Variants in PLCB4 observed in about 807,000 individuals in gnomAD.
PLCB4 encodes the protein phospholipase C beta 4, also known as 1-phosphatidylinositol 4,5-bisphosphate phosphodiesterase beta-4.
A neutral mutation model predicts 178.8 loss-of-function variants in PLCB4; 77 were observed. The ratio of observed to expected loss-of-function variants is 0.43; its 90% CI spans 0.36 to 0.52. The LOEUF is 0.52. PLCB4 is among the 20% of genes least tolerant of loss of function. PLCB4 has a pLI of 0.00. For synonymous variants in PLCB4, 496 were observed against 490.8 expected, an observed-to-expected ratio of 1.01 and a Z score of -0.14; for missense variants, 1,024 against 1,453.4, an observed-to-expected ratio of 0.70 and a Z score of 4.80.
At chr20:9,239,589 A>C (rs1327400739) in intron 3 of PLCB4, among the ~76,000 whole-genome samples, 1 of 152,154 alleles carries the variant, frequency 6.6e-6, no homozygotes, top group Non-Finnish European at 1.5e-5. Context: ...TGAAGGATGG[A>C]AGGGTACGCT....
chr20:9,079,128 T>C (rs370962929), intron 1 of PLCB4, among the ~76,000 whole-genome samples: 1 of 152,376 alleles, frequency 6.6e-6, no homozygotes, highest in South Asian at 2.1e-4. Context: ...GGAAATGTTA[T>C]AGTGTTTCAC....
At chr20:9,125,237 G>C (rs2092080991) in intron 2 of PLCB4, among the ~76,000 whole-genome samples, 1 of 152,132 alleles carries the variant, frequency 6.6e-6, no homozygotes, top group African/African-American at 2.4e-5. Flanking sequence ...CTGTGAAACT[G>C]TCATTTTTCC....
At chr20:9,194,361 C>T (rs539442775) in intron 2 of PLCB4, among the ~76,000 whole-genome samples, 1 of 151,648 alleles carries the variant, frequency 6.6e-6, no homozygotes, top group African/African-American at 2.4e-5. Context: ...ATTTTTTTTT[C>T]CTGTAAAACA....
chr20:9,196,877 C>G (rs2093478766), intron 2 of PLCB4, among the ~76,000 whole-genome samples: 1 of 152,120 alleles, frequency 6.6e-6, no homozygotes, highest in South Asian at 2.1e-4. Flanking sequence ...AAGATGAGAG[C>G]TAGAGTTCTG....
chr20:9,147,652 T>C (rs2092622181), intron 2 of PLCB4, among the ~76,000 whole-genome samples: 1 of 152,080 alleles, frequency 6.6e-6, no homozygotes, highest in Non-Finnish European at 1.5e-5. Context: ...AATATGTGTC[T>C]CATCCTAAGA....
chr20:9,245,487 A>AT (rs1460373574), intron 3 of PLCB4, among the ~76,000 whole-genome samples: 1 of 152,170 alleles, frequency 6.6e-6, no homozygotes, highest in African/African-American at 2.4e-5. Context: ...AAATTTAGTC[A>AT]CATGCATCTC....
intron 2 of PLCB4, among the ~76,000 whole-genome samples, chr20:9,209,906 G>A (rs2093654668): frequency 6.9e-6 from 1 of 144,918 alleles, no homozygotes; most frequent in South Asian, 2.3e-4. Flanking sequence ...GAAGCTTGCA[G>A]TGAGTCGAGA....
At chr20:9,319,453 A>C (rs1281348901) in intron 4 of PLCB4, among the ~76,000 whole-genome samples, 2 of 152,122 alleles carry the variant, frequency 1.3e-5, no homozygotes, top group African/African-American at 4.8e-5. Flanking sequence ...GTAGGAAGAG[A>C]TTTATTATGA....
At chr20:9,117,572 G>A (rs2091823610) in intron 2 of PLCB4, among the ~76,000 whole-genome samples, 1 of 152,182 alleles carries the variant, frequency 6.6e-6, no homozygotes, top group Admixed American at 6.5e-5. Flanking sequence ...TTCCCCTGCT[G>A]AAAAATCCTC....
At chr20:9,246,094 C>T (rs1265614526) in intron 3 of PLCB4, among the ~76,000 whole-genome samples, 1 of 152,144 alleles carries the variant, frequency 6.6e-6, no homozygotes, top group Non-Finnish European at 1.5e-5. Flanking sequence ...CTCTTTTTCA[C>T]TTAATATGAC....
chr20:9,438,718 A>C (rs1448757860), intron 30 of PLCB4, among the ~76,000 whole-genome samples: 1 of 152,230 alleles, frequency 6.6e-6, no homozygotes, highest in Non-Finnish European at 1.5e-5. Flanking sequence ...TGTTCTAAGA[A>C]GAATTAGTTT....
At chr20:9,322,792 AT>A (rs1304815459) in intron 4 of PLCB4, among the ~76,000 whole-genome samples, 1 of 152,242 alleles carries the variant, frequency 6.6e-6, no homozygotes, top group East Asian at 1.9e-4. Context: ...AAAGAACTCT[AT>A]CCAAAAGCTT....
chr20:9,406,966 C>G (rs2039487451), intron 21 of PLCB4, among the ~76,000 whole-genome samples: 1 of 152,060 alleles, frequency 6.6e-6, no homozygotes, highest in Admixed American at 6.6e-5. Context: ...AATAAATAAA[C>G]TAATTTGTTT....
intron 4 of PLCB4, among the ~76,000 whole-genome samples, chr20:9,336,731 CA>C (rs66471977): frequency 0.011 from 1,362 of 120,370 alleles, 13 homozygotes; most frequent in African/African-American, 0.032. Context: ...ATTTTACAGA[CA>C]AAAAAAAAAA....
intron 3 of PLCB4, among the ~76,000 whole-genome samples, chr20:9,276,654 CA>C: frequency 6.6e-6 from 1 of 152,214 alleles, no homozygotes; most frequent in South Asian, 2.1e-4. Context: ...TTCTTCCCAT[CA>C]TACCACACAT....
intron 30 of PLCB4, among the ~76,000 whole-genome samples, chr20:9,438,545 G>T (rs566087522): frequency 6.6e-6 from 1 of 152,190 alleles, no homozygotes; most frequent in South Asian, 2.1e-4. Flanking sequence ...GATGATTTTG[G>T]TTCTGTATAT....
intron 35 of PLCB4, among the ~76,000 whole-genome samples, chr20:9,463,256 C>T (rs1360621528): frequency 1.3e-5 from 2 of 152,016 alleles, no homozygotes; most frequent in Non-Finnish European, 2.9e-5. Flanking sequence ...TATAAGAGCT[C>T]CTGAAGGAAG....
intron 12 of PLCB4, among the ~76,000 whole-genome samples, chr20:9,379,553 G>A (rs1215422453): frequency 3.3e-5 from 5 of 152,110 alleles, no homozygotes; most frequent in African/African-American, 1.2e-4. Flanking sequence ...GATGTAGAAA[G>A]GTGTTATGAA....
chr20:9,384,531 AATG>A, intron 14 of PLCB4, 120 bp downstream of exon 14: 1 of 703,184 alleles, frequency 1.4e-6, no homozygotes, highest in Admixed American at 2.3e-5. Flanking sequence ...TATTCCCTTT[AATG>A]GATTATCATG....
Sources: allele counts gnomAD v4.1 joint callset (sites outside exome capture counted in the v4.1 genomes callset), GRCh38; gene constraint gnomAD v4.1.1; transcripts MANE v1.5; gene names NCBI Gene and HGNC (gene_info 2026-07-23, HGNC 2026-07-21).